Variants in UBE3D observed in about 807,000 individuals in gnomAD.
The protein encoded by UBE3D is E3 ubiquitin-protein ligase E3D.
Under a neutral mutation model 49.6 loss-of-function variants are expected in UBE3D, and 48 were observed. That is an observed-to-expected ratio of 0.97 (90% CI 0.77 to 1.23). The LOEUF (loss-of-function observed/expected upper bound fraction) is 1.23, where lower values mean the gene tolerates loss of function less well. Ranked by LOEUF, UBE3D falls within the 50% of genes most tolerant of loss-of-function variation. The pLI is 0.00. For missense variants in UBE3D, 452 were observed against 468.4 expected (o/e 0.96, Z 0.32); for synonymous variants, 189 against 174.2 (o/e 1.08, Z -0.67).
chr6:82,995,526 TTAAG>T (rs1284912686), intron 8 of UBE3D, among the ~76,000 whole-genome samples: 2 of 56,508 alleles, frequency 3.5e-5, no homozygotes, highest in Non-Finnish European at 7.8e-5. Context: ...AGTCACCAAC[TTAAG>T]TAAGCAAAGG....
chr6:82,920,605 A>G (rs1582346405), intron 9 of UBE3D, among the ~76,000 whole-genome samples: 1 of 152,280 alleles, frequency 6.6e-6, no homozygotes, highest in East Asian at 1.9e-4. Flanking sequence ...CCTCTTTACT[A>G]TGGGAATGGT....
At chr6:83,012,890 A>C (rs902357568) in intron 8 of UBE3D, among the ~76,000 whole-genome samples, 2 of 152,316 alleles carry the variant, frequency 1.3e-5, no homozygotes, top group Non-Finnish European at 2.9e-5. Context: ...GTAGTGCTGT[A>C]GCTGTCCACT....
chr6:83,043,445 C>A (rs1413849440), intron 4 of UBE3D, among the ~76,000 whole-genome samples: 1 of 151,976 alleles, frequency 6.6e-6, no homozygotes. Flanking sequence ...CCAAAGTGAA[C>A]CATATTTAGA....
intron 8 of UBE3D, among the ~76,000 whole-genome samples, chr6:82,996,311 AAAATAAATAAAT>A (rs148895876): frequency 0.031 from 4,543 of 148,630 alleles, 187 homozygotes; most frequent in African/African-American, 0.089. Flanking sequence ...TTTGAGCAAC[AAAATAAATAAAT>A]AAATAAATAA....
intron 5 of UBE3D, among the ~76,000 whole-genome samples, chr6:83,027,563 T>C (rs1781572573): frequency 6.7e-6 from 1 of 149,100 alleles, no homozygotes; most frequent in African/African-American, 2.6e-5. Context: ...TCACTTGAGA[T>C]TAAGTCCTAG....
At chr6:83,053,936 A>G (rs1562232679) in intron 3 of UBE3D, among the ~76,000 whole-genome samples, 1 of 152,190 alleles carries the variant, frequency 6.6e-6, no homozygotes, top group Non-Finnish European at 1.5e-5. Flanking sequence ...TCTCAAAGCC[A>G]GCATCCTAGT....
chr6:83,064,374 C>T (rs1187311185), intron 1 of UBE3D, among the ~76,000 whole-genome samples: 1 of 152,084 alleles, frequency 6.6e-6, no homozygotes, highest in African/African-American at 2.4e-5. Context: ...ACTAAAGGTG[C>T]GCGCCACCAC....
chr6:82,996,311 AAAATAAATAAATAAAT>A (rs148895876), intron 8 of UBE3D, among the ~76,000 whole-genome samples: 98,068 of 148,506 alleles, frequency 0.66, 33,408 homozygotes, highest in East Asian at 0.82. Context: ...TTTGAGCAAC[AAAATAAATAAATAAAT>A]AAATAAATAA....
chr6:83,007,286 T>C (rs894111419), intron 8 of UBE3D, among the ~76,000 whole-genome samples: 1 of 152,188 alleles, frequency 6.6e-6, no homozygotes. Flanking sequence ...TGTAGAATTG[T>C]TCTTCTCAGC....
chr6:82,899,593 T>C (rs930959298), intron 9 of UBE3D, among the ~76,000 whole-genome samples: 4 of 152,162 alleles, frequency 2.6e-5, no homozygotes, highest in Non-Finnish European at 1.5e-5. Flanking sequence ...TTAAGAGATG[T>C]GTATGTGGCA....
chr6:83,027,637 T>C (rs1351357107), intron 5 of UBE3D, among the ~76,000 whole-genome samples: 1 of 152,144 alleles, frequency 6.6e-6, no homozygotes, highest in Non-Finnish European at 1.5e-5. Context: ...CCATTACTGC[T>C]GTTCCTTTGA....
intron 9 of UBE3D, among the ~76,000 whole-genome samples, chr6:82,904,999 C>T (rs1232224681): frequency 1.3e-5 from 2 of 152,114 alleles, no homozygotes; most frequent in Admixed American, 6.6e-5. Flanking sequence ...TAATGGGCAA[C>T]ACTCCTAGGG....
chr6:82,928,967 A>AATTTCAAACATAATT (rs1562092592), intron 9 of UBE3D, among the ~76,000 whole-genome samples: 1 of 152,230 alleles, frequency 6.6e-6, no homozygotes. Context: ...TCTGCATTAT[A>AATTTCAAACATAATT]ATTTCAAACA....
intron 8 of UBE3D, among the ~76,000 whole-genome samples, chr6:83,010,042 G>A (rs1780235012): frequency 1.3e-5 from 2 of 151,782 alleles, no homozygotes; most frequent in African/African-American, 4.8e-5. Context: ...AATCACAAAG[G>A]ATCCAACATA....
intron 9 of UBE3D, among the ~76,000 whole-genome samples, chr6:82,951,209 T>C (rs190884765): frequency 9.3e-4 from 142 of 152,300 alleles, no homozygotes; most frequent in Admixed American, 7.9e-3. Flanking sequence ...AAATATCTCA[T>C]GTAACCCATA....
At chr6:83,008,482 G>A (rs1318458628) in intron 8 of UBE3D, among the ~76,000 whole-genome samples, 6 of 152,166 alleles carry the variant, frequency 3.9e-5, no homozygotes, top group African/African-American at 1.4e-4. Context: ...GATGTGAAAC[G>A]CTGGCTGAAG....
At chr6:82,922,732 A>G (rs1773439614) in intron 9 of UBE3D, among the ~76,000 whole-genome samples, 1 of 152,200 alleles carries the variant, frequency 6.6e-6, no homozygotes, top group African/African-American at 2.4e-5. Flanking sequence ...TAATTAAACT[A>G]AAGAGCTTCT....
chr6:83,048,956 G>A (rs1011413169), intron 3 of UBE3D, among the ~76,000 whole-genome samples: 2 of 152,044 alleles, frequency 1.3e-5, no homozygotes, highest in Middle Eastern at 3.4e-3. Context: ...ACGATTTCCT[G>A]AATTTTCTCT....
chr6:83,065,805 C>A lies in UBE3D; in HGVS notation c.-87G>T. The A allele has an allele frequency of 3.7e-6, 5 of 1,346,068 alleles. No homozygotes were observed. The highest frequency in any genetic ancestry group is 5.2e-6 in the Non-Finnish European group (5 of 970,848). The allele number at this position is 1,346,068 out of a possible 1,614,324, so 83.4% of individuals were successfully genotyped here. On this transcript the variant is annotated 5_prime_UTR_variant, in exon 1 of 10. Coordinates refer to ENST00000369747, the MANE Select transcript of UBE3D (RefSeq NM_198920.3). ...ACCAGGAGAGGTTCCACGTGCGGACCAACCAGCGGCAGCCCCGCTGCGGCG... is the reference window on the plus strand; with the variant it reads ...ACCAGGAGAGGTTCCACGTGCGGACAAACCAGCGGCAGCCCCGCTGCGGCG...
Sources: allele counts gnomAD v4.1 joint callset (sites outside exome capture counted in the v4.1 genomes callset), GRCh38; gene constraint gnomAD v4.1.1; transcripts MANE v1.5; gene names NCBI Gene and HGNC (gene_info 2026-07-23, HGNC 2026-07-21).